PLXNC1: variants seen among roughly 807,000 people sequenced by gnomAD.
PLXNC1 encodes plexin-C1.
Under a neutral mutation model 178.2 loss-of-function variants are expected in PLXNC1, and 75 were observed. That is an observed-to-expected ratio of 0.42 (90% CI 0.35 to 0.51). PLXNC1 has a LOEUF of 0.51. Ranked by LOEUF, PLXNC1 falls within the 20% of genes least tolerant of loss-of-function variation. The probability of loss-of-function intolerance (pLI) is 0.02; values close to 1 mark genes in which losing one functional copy is unlikely to be tolerated. For missense variants in PLXNC1, 1,503 were observed against 1,984.4 expected (o/e 0.76, Z 4.61); for synonymous variants, 790 against 779.9 (o/e 1.01, Z -0.22).
At chr12:94,194,269 A>T (rs12816185) in intron 4 of PLXNC1, among the ~76,000 whole-genome samples, 12 of 152,114 alleles carry the variant, frequency 7.9e-5, no homozygotes, top group East Asian at 3.9e-4. Flanking sequence ...ATCACCTTTC[A>T]CCAGGCCCCA....
At chr12:94,246,558 C>T (rs904140073) in intron 12 of PLXNC1, among the ~76,000 whole-genome samples, 2 of 152,182 alleles carry the variant, frequency 1.3e-5, no homozygotes, top group African/African-American at 4.8e-5. Context: ...GCTCAGAAAC[C>T]AGTGAAAAAG....
intron 15 of PLXNC1, among the ~76,000 whole-genome samples, chr12:94,253,877 C>A (rs778864666): frequency 6.6e-6 from 1 of 152,006 alleles, no homozygotes; most frequent in Non-Finnish European, 1.5e-5. Context: ...AAATATCTTT[C>A]TCTGTTGCCC....
At chr12:94,225,986 C>T (rs1963926364) in intron 7 of PLXNC1, among the ~76,000 whole-genome samples, 3 of 152,212 alleles carry the variant, frequency 2.0e-5, no homozygotes, top group African/African-American at 4.8e-5. Flanking sequence ...CTTCCTCTGG[C>T]CTCCCTTGGC....
intron 1 of PLXNC1, among the ~76,000 whole-genome samples, chr12:94,167,541 G>A (rs1043625742): frequency 6.6e-6 from 1 of 152,184 alleles, no homozygotes; most frequent in Non-Finnish European, 1.5e-5. Flanking sequence ...TTTAAAGCAA[G>A]ATGTGTGGCA....
At chr12:94,209,942 T>C (rs1271200224) in intron 5 of PLXNC1, among the ~76,000 whole-genome samples, 2 of 152,218 alleles carry the variant, frequency 1.3e-5, no homozygotes, top group Non-Finnish European at 2.9e-5. Context: ...ATGGAGTTTG[T>C]CGTCTTGTGG....
At chr12:94,226,750 A>G (rs749043967) in intron 8 of PLXNC1, 43 bp downstream of exon 8, 12 of 1,383,450 alleles carry the variant, frequency 8.7e-6, no homozygotes, top group Non-Finnish European at 1.2e-5. Context: ...ACCGCCGGGC[A>G]TGGTGGCTCA....
intron 2 of PLXNC1, among the ~76,000 whole-genome samples, chr12:94,177,540 A>AGAG (rs1491041668): frequency 6.6e-6 from 1 of 151,668 alleles, no homozygotes; most frequent in East Asian, 1.9e-4. Context: ...AAAGAAAGAA[A>AGAG]GAGAGAGAAA....
In PLXNC1 at chr12:94,199,296, C is replaced by T. The variant is rs114668319; in HGVS notation, c.1440-10294C>T. Among the ~76,000 whole-genome samples the T allele has an allele frequency of 4.4e-3, 672 of 152,250 alleles. 6 individuals carry two copies. The highest frequency in any genetic ancestry group is 0.015 in the African/African-American group (643 of 41,534). On this transcript the variant is annotated intron_variant, in intron 4 of 30. Transcript: ENST00000258526. Reference sequence around the variant, plus strand: ...GTCCTTGTGCAGATCTCAAGCTTGACGTCTGTGCGGTGACACTTCTTTATG... The same window carrying T: ...GTCCTTGTGCAGATCTCAAGCTTGATGTCTGTGCGGTGACACTTCTTTATG...
intron 1 of PLXNC1, among the ~76,000 whole-genome samples, chr12:94,156,738 C>T (rs1411819574): frequency 6.9e-6 from 1 of 145,082 alleles, no homozygotes; most frequent in African/African-American, 2.6e-5. Context: ...AACAGAGTCT[C>T]ACCCTGTCAC....
chr12:94,295,266 G>A (rs1967790655), intron 24 of PLXNC1, among the ~76,000 whole-genome samples: 1 of 152,210 alleles, frequency 6.6e-6, no homozygotes, highest in South Asian at 2.1e-4. Context: ...TCTGGCCAGT[G>A]CAAACAGGGA....
At chr12:94,159,152 T>C (rs1321810535) in intron 1 of PLXNC1, among the ~76,000 whole-genome samples, 7 of 152,168 alleles carry the variant, frequency 4.6e-5, no homozygotes, top group Admixed American at 4.6e-4. Context: ...GTAAATAGGG[T>C]AGACAATAAA....
intron 1 of PLXNC1, among the ~76,000 whole-genome samples, chr12:94,157,347 C>A (rs1310946059): frequency 2.0e-5 from 3 of 152,096 alleles, no homozygotes; most frequent in Admixed American, 6.5e-5. Context: ...TTTTTGATGA[C>A]CACTCCCTTC....
chr12:94,270,881 G>A (rs1254224966), intron 21 of PLXNC1, among the ~76,000 whole-genome samples: 1 of 152,008 alleles, frequency 6.6e-6, no homozygotes, highest in Non-Finnish European at 1.5e-5. Context: ...TCTTTGTGGG[G>A]AAAGGAAAAG....
intron 27 of PLXNC1, among the ~76,000 whole-genome samples, chr12:94,300,411 G>A (rs897448290): frequency 3.3e-5 from 5 of 152,268 alleles, no homozygotes; most frequent in African/African-American, 1.2e-4. Flanking sequence ...GCACGTGCTT[G>A]CTTGGCCCAT....
chr12:94,301,375 A>C (rs1968449745), intron 28 of PLXNC1, among the ~76,000 whole-genome samples: 1 of 152,226 alleles, frequency 6.6e-6, no homozygotes, highest in African/African-American at 2.4e-5. Flanking sequence ...CAAAATATGC[A>C]ACCATTGAAA....
chr12:94,284,362 AC>A (rs1334630617), intron 23 of PLXNC1, among the ~76,000 whole-genome samples: 1 of 152,176 alleles, frequency 6.6e-6, no homozygotes, highest in East Asian at 1.9e-4. Context: ...AGTTCAGTCT[AC>A]ATCCAGAAAT....
intron 21 of PLXNC1, among the ~76,000 whole-genome samples, chr12:94,273,685 G>C (rs1178391443): frequency 2.6e-5 from 4 of 152,154 alleles, no homozygotes; most frequent in African/African-American, 4.8e-5. Flanking sequence ...AGCAGGATGA[G>C]TACAGGTTCT....
chr12:94,202,751 G>A (rs1963178645), intron 4 of PLXNC1, among the ~76,000 whole-genome samples: 1 of 152,166 alleles, frequency 6.6e-6, no homozygotes, highest in Non-Finnish European at 1.5e-5. Context: ...ACCAGGGATG[G>A]GTGTTTTTAG....
intron 5 of PLXNC1, among the ~76,000 whole-genome samples, chr12:94,214,247 G>A (rs942059754): frequency 1.6e-4 from 25 of 151,692 alleles, no homozygotes; most frequent in Non-Finnish European, 8.8e-5. Context: ...ACCACACCCA[G>A]CTAATTTTTA....
Sources: allele counts gnomAD v4.1 joint callset (sites outside exome capture counted in the v4.1 genomes callset), GRCh38; gene constraint gnomAD v4.1.1; transcripts MANE v1.5; gene names NCBI Gene and HGNC (gene_info 2026-07-23, HGNC 2026-07-21).